The following ZBTB38 variants were observed in gnomAD, a reference collection of about 807,000 sequenced individuals.
ZBTB38 encodes the protein zinc finger and BTB domain-containing protein 38.
Under a neutral mutation model 76.8 loss-of-function variants are expected in ZBTB38, and 20 were observed. The observed-to-expected ratio is 0.26, with a 90% CI of 0.18 to 0.38. The LOEUF (loss-of-function observed/expected upper bound fraction) is 0.38. Among genes scored for constraint, ZBTB38 ranks in the 10% least tolerant of loss-of-function variants. The pLI, the probability that ZBTB38 is intolerant of heterozygous loss-of-function variation, is 1.00. For synonymous variants in ZBTB38, 504 were observed against 544.2 expected, an observed-to-expected ratio of 0.93 and a Z score of 1.03; for missense variants, 1,082 against 1,482.3, an observed-to-expected ratio of 0.73 and a Z score of 4.43.
At chr3:141,392,174 G>A (rs534258570) in intron 4 of ZBTB38, among the ~76,000 whole-genome samples, 10 of 152,252 alleles carry the variant, frequency 6.6e-5, no homozygotes, top group Non-Finnish European at 8.8e-5. Context: ...GTTATACTTC[G>A]TTGGGTTTTG....
chr3:141,442,344 C>T lies in ZBTB38; in HGVS notation c.1-45C>T, dbSNP rs771879591. On this transcript the variant is annotated intron_variant, in intron 5 of 5. Transcript: ENST00000321464. The surrounding 1 kb of genome is among the most constrained non-coding windows in gnomAD (Gnocchi z 6.4). ...GGAAAATAGTCTAGAGATAAAGAAG[C>T]CACCTGTGGAAGATTATCTGACCAT... The T allele has an allele frequency of 2.1e-6, 3 of 1,425,124 alleles. No individual in the cohort carries two copies. The highest frequency in any genetic ancestry group is 1.3e-5 in the South Asian group (1 of 78,096). 88.3% of individuals were successfully genotyped at this position (1,425,124 alleles called of 1,614,324 possible).
rs78119768 is a variant in ZBTB38 at position 141,353,670 on chromosome 3, C to G, written c.-738-14951C>G. ...GGACCATGCCACACATTGCTGAAGC[C>G]TGTATCTTCCACAGCGCCTTAGCAG... On this transcript the variant is annotated intron_variant, in intron 1 of 7. Coordinates refer to the ZBTB38 transcript ENST00000509842. Among the ~76,000 whole-genome samples the G allele has an allele frequency of 1.6e-4, 24 of 152,258 alleles. No individual in the cohort carries two copies. In the East Asian group the frequency reaches 4.2e-3, roughly 27 times the overall value.
At chr3:141,427,061 G>A (rs748625253) in intron 5 of ZBTB38, among the ~76,000 whole-genome samples, 9 of 152,076 alleles carry the variant, frequency 5.9e-5, no homozygotes, top group Admixed American at 5.2e-4. Flanking sequence ...GAAATAGCAG[G>A]GCAGTTCAGG....
chr3:141,344,324 T>G (rs1323343922), intron 1 of ZBTB38, among the ~76,000 whole-genome samples: 1 of 152,172 alleles, frequency 6.6e-6, no homozygotes, highest in Non-Finnish European at 1.5e-5. Flanking sequence ...CTAGAGACGG[T>G]CCTGATTCCT....
At chr3:141,328,716 C>T (rs1467397226) in intron 1 of ZBTB38, among the ~76,000 whole-genome samples, 1 of 152,208 alleles carries the variant, frequency 6.6e-6, no homozygotes, top group East Asian at 1.9e-4. Context: ...GCTGACAACC[C>T]TCCAAGGCGC....
chr3:141,392,283 T>C (rs534278200), intron 4 of ZBTB38, among the ~76,000 whole-genome samples: 2 of 152,090 alleles, frequency 1.3e-5, no homozygotes, highest in Admixed American at 6.5e-5. Flanking sequence ...TCTCTGCCCA[T>C]TAGTGGGGAA....
intron 1 of ZBTB38, among the ~76,000 whole-genome samples, chr3:141,360,217 G>A (rs1398166915): frequency 6.6e-6 from 1 of 152,190 alleles, no homozygotes; most frequent in Non-Finnish European, 1.5e-5. Flanking sequence ...GTCCTCTAAT[G>A]TCTGTCATAG....
intron 5 of ZBTB38, among the ~76,000 whole-genome samples, chr3:141,424,186 C>A (rs2075966426): frequency 6.6e-6 from 1 of 152,210 alleles, no homozygotes; most frequent in African/African-American, 2.4e-5. Flanking sequence ...TTTACTGGAA[C>A]AGGTAATAAA....
At chr3:141,334,847 T>A (rs923908878) in intron 1 of ZBTB38, among the ~76,000 whole-genome samples, 6 of 152,202 alleles carry the variant, frequency 3.9e-5, no homozygotes, top group Non-Finnish European at 7.3e-5. Flanking sequence ...CTGCATAAAA[T>A]TAAAACACCT....
chr3:141,419,849 G>A (rs2074952591), intron 5 of ZBTB38, among the ~76,000 whole-genome samples: 1 of 152,154 alleles, frequency 6.6e-6, no homozygotes. Flanking sequence ...AGCAAGGCGT[G>A]GTGGTGCATG....
intron 3 of ZBTB38, chr3:141,386,661 G>A (rs1947206883): frequency 6.6e-6 from 1 of 152,348 alleles, no homozygotes; most frequent in Admixed American, 6.6e-5. Flanking sequence ...GAATATGAGA[G>A]TGTTCTTTCC....
At chr3:141,354,151 G>A (rs917122009) in intron 1 of ZBTB38, among the ~76,000 whole-genome samples, 12 of 152,236 alleles carry the variant, frequency 7.9e-5, no homozygotes, top group African/African-American at 2.9e-4. Context: ...GTATCTCAAA[G>A]TTAACTTTTA....
intron 5 of ZBTB38, among the ~76,000 whole-genome samples, chr3:141,409,767 C>T (rs2149800126): frequency 6.6e-6 from 1 of 152,334 alleles, no homozygotes; most frequent in Admixed American, 6.5e-5. Flanking sequence ...ATAGCTGTCA[C>T]TGTCACTGTG....
chr3:141,397,942 T>C (rs1027247994), intron 4 of ZBTB38, among the ~76,000 whole-genome samples: 1 of 152,180 alleles, frequency 6.6e-6, no homozygotes, highest in Non-Finnish European at 1.5e-5. Context: ...CACATGCTAT[T>C]AGGAAAATGG....
intron 5 of ZBTB38, among the ~76,000 whole-genome samples, chr3:141,436,348 GC>G (rs1409833419): frequency 6.6e-6 from 1 of 152,184 alleles, no homozygotes; most frequent in Non-Finnish European, 1.5e-5. Context: ...GGCCAGGCAG[GC>G]CACATTACTG....
rs1046216866 is a variant in ZBTB38, at chr3:141,368,758, C to G, written c.-356C>G. 4 of 151,996 alleles carry G rather than the reference C, an allele frequency of 2.6e-5. No homozygotes were observed. Among genetic ancestry groups the G allele is most frequent in the African/African-American group, 9.7e-5 (4 of 41,400 alleles). 9.4% of individuals were successfully genotyped at this position (151,996 alleles called of 1,614,324 possible). A position where few individuals can be genotyped will look rare whatever the true frequency, so the allele number is the denominator to read the frequency against. On this transcript the variant is annotated 5_prime_UTR_variant, in exon 1 of 6. Coordinates refer to ENST00000321464, the MANE Select transcript of ZBTB38 (RefSeq NM_001376113.1). The stretch of plus-strand genomic sequence containing the variant: ...ACGAAAGCGGTTGTGACTCCTGGGC[C>G]CAGGGAGTTGACAGCGTCTGGGTTT...
At chr3:141,377,273 C>T (rs2149108686) in intron 2 of ZBTB38, among the ~76,000 whole-genome samples, 1 of 152,358 alleles carries the variant, frequency 6.6e-6, no homozygotes, top group South Asian at 2.1e-4. Context: ...GCCTAAGTGC[C>T]AGACAGCCCA....
At chr3:141,436,307 T>C (rs1163176379) in intron 5 of ZBTB38, among the ~76,000 whole-genome samples, 1 of 152,194 alleles carries the variant, frequency 6.6e-6, no homozygotes, top group African/African-American at 2.4e-5. Flanking sequence ...TTACTGTTCT[T>C]ATCAGTTACA....
chr3:141,429,518 C>T (rs140898787), intron 5 of ZBTB38, among the ~76,000 whole-genome samples: 44 of 152,268 alleles, frequency 2.9e-4, no homozygotes, highest in African/African-American at 9.1e-4. Flanking sequence ...ACATTTACTG[C>T]GTGCTCCTGC....
Sources: gnomAD v4.1 joint callset for allele counts (sites outside exome capture counted in the v4.1 genomes callset) on GRCh38, gnomAD v4.1.1 for gene constraint, Gnocchi (gnomAD v3.1) non-coding constraint, MANE v1.5 for transcripts, NCBI Gene and HGNC (gene_info 2026-07-23, HGNC 2026-07-21) for gene names.